The following AMPH variants were observed in gnomAD, a reference collection of about 807,000 sequenced individuals.
AMPH encodes the protein amphiphysin (Stiff-Mann syndrome with breast cancer 128kD autoantigen).
In AMPH, 49 loss-of-function variants were observed where a neutral mutation model predicts 99.1. The observed-to-expected ratio is 0.49, with a 90% confidence interval of 0.39 to 0.63. The LOEUF is 0.63. AMPH is among the 20% of genes least tolerant of loss of function. AMPH has a pLI of 0.00. For missense variants in AMPH, 759 were observed against 863.4 expected (o/e 0.88, Z 1.52); for synonymous variants, 314 against 317.3 (o/e 0.99, Z 0.11).
chr7:38,508,489 G>A (rs1789417658), intron 2 of AMPH, among the ~76,000 whole-genome samples: 1 of 152,118 alleles, frequency 6.6e-6, no homozygotes, highest in African/African-American at 2.4e-5. Context: ...ATCACACACG[G>A]TATGGAAAAA....
chr7:38,426,811 T>C, intron 15 of AMPH, 143 bp downstream of exon 15: 1 of 654,550 alleles, frequency 1.5e-6, no homozygotes, highest in African/African-American at 1.8e-5. Flanking sequence ...TTTCCATTAC[T>C]CAGTCTGTAA....
intron 1 of AMPH, among the ~76,000 whole-genome samples, chr7:38,583,077 T>G (rs1453006454): frequency 6.6e-6 from 1 of 152,222 alleles, no homozygotes; most frequent in East Asian, 1.9e-4. Flanking sequence ...AGATTAAGGT[T>G]AAAAGAATCA....
At chr7:38,396,837 C>T (rs889465094) in intron 17 of AMPH, among the ~76,000 whole-genome samples, 10 of 152,124 alleles carry the variant, frequency 6.6e-5, no homozygotes, top group Non-Finnish European at 1.2e-4. Context: ...GCTTTATTGT[C>T]GGAGACATTA....
intron 2 of AMPH, among the ~76,000 whole-genome samples, chr7:38,532,739 G>A (rs1421433026): frequency 8.4e-6 from 1 of 118,700 alleles, no homozygotes; most frequent in Non-Finnish European, 1.8e-5. Context: ...AAGAAAGCTG[G>A]GAAAAAAAAA....
At chr7:38,582,384 G>C (rs922023763) in intron 1 of AMPH, among the ~76,000 whole-genome samples, 2 of 152,126 alleles carry the variant, frequency 1.3e-5, no homozygotes, top group Non-Finnish European at 2.9e-5. Flanking sequence ...TAGAAGAGGA[G>C]AAATAAAAAA....
chr7:38,623,769 CCTT>C (rs1325541452), intron 1 of AMPH, among the ~76,000 whole-genome samples: 1 of 152,116 alleles, frequency 6.6e-6, no homozygotes, highest in East Asian at 1.9e-4. Flanking sequence ...CAATATTTCT[CCTT>C]GAGAACAAAA....
intron 16 of AMPH, among the ~76,000 whole-genome samples, chr7:38,421,938 G>A (rs1488479052): frequency 1.3e-5 from 2 of 152,112 alleles, no homozygotes; most frequent in Non-Finnish European, 2.9e-5. Context: ...CCCTAACTAA[G>A]CTTTTCTCTC....
At chr7:38,429,713 T>C in intron 14 of AMPH, 129 bp downstream of exon 14, 2 of 1,297,928 alleles carry the variant, frequency 1.5e-6, no homozygotes, top group Non-Finnish European at 2.1e-6. Flanking sequence ...GTGATTACAT[T>C]CATTGGCTTA....
chr7:38,490,041 T>C (rs1041448635), intron 5 of AMPH, among the ~76,000 whole-genome samples: 6 of 152,186 alleles, frequency 3.9e-5, no homozygotes, highest in Non-Finnish European at 5.9e-5. Flanking sequence ...GTGATTACTA[T>C]TGTGAGACTG....
chr7:38,386,691 A>C (rs1179104635), intron 20 of AMPH, among the ~76,000 whole-genome samples: 1 of 152,222 alleles, frequency 6.6e-6, no homozygotes, highest in Non-Finnish European at 1.5e-5. Flanking sequence ...TATTTATATA[A>C]ACAAACAACT....
chr7:38,549,867 A>AAAT (rs542282740), intron 1 of AMPH, among the ~76,000 whole-genome samples: 429 of 152,354 alleles, frequency 2.8e-3, no homozygotes, highest in African/African-American at 1.0e-2. Context: ...TTATTATATG[A>AAAT]AATAATATGG....
intron 1 of AMPH, among the ~76,000 whole-genome samples, chr7:38,572,592 G>A (rs937243249): frequency 1.3e-5 from 2 of 152,172 alleles, no homozygotes; most frequent in South Asian, 2.1e-4. Context: ...AAGGGATCAG[G>A]GAGGAGGTGA....
chr7:38,592,013 A>G (rs1792874845), intron 1 of AMPH, among the ~76,000 whole-genome samples: 1 of 151,556 alleles, frequency 6.6e-6, no homozygotes, highest in African/African-American at 2.4e-5. Flanking sequence ...ATTTACCCAC[A>G]TATTTATTTA....
At chr7:38,592,282 T>G in intron 1 of AMPH, among the ~76,000 whole-genome samples, 1 of 152,186 alleles carries the variant, frequency 6.6e-6, no homozygotes. Context: ...TGCAGAGATT[T>G]TGTTTATGGC....
intron 17 of AMPH, among the ~76,000 whole-genome samples, chr7:38,408,750 CAAAAAA>C (rs66957354): frequency 2.0e-5 from 2 of 100,726 alleles, no homozygotes; most frequent in Non-Finnish European, 2.1e-5. Flanking sequence ...GACTCCATCA[CAAAAAA>C]AAAAAAAAAA....
intron 5 of AMPH, among the ~76,000 whole-genome samples, chr7:38,485,450 T>C (rs1584153130): frequency 6.6e-6 from 1 of 151,916 alleles, no homozygotes; most frequent in Non-Finnish European, 1.5e-5. Flanking sequence ...AAAGCATCTA[T>C]ATATGTAAAG....
chr7:38,440,162 T>C (rs752833435), intron 11 of AMPH, among the ~76,000 whole-genome samples: 11 of 152,062 alleles, frequency 7.2e-5, no homozygotes, highest in Non-Finnish European at 1.6e-4. Context: ...GTGTTAAAGA[T>C]AAATTCATAA....
At chr7:38,604,476 G>A (rs975419891) in intron 1 of AMPH, among the ~76,000 whole-genome samples, 19 of 152,196 alleles carry the variant, frequency 1.2e-4, no homozygotes, top group African/African-American at 2.4e-4. Flanking sequence ...GAATGAGGAC[G>A]AGCACACACT....
intron 1 of AMPH, among the ~76,000 whole-genome samples, chr7:38,613,030 CT>C (rs1793739966): frequency 6.6e-6 from 1 of 152,094 alleles, no homozygotes; most frequent in Admixed American, 6.5e-5. Context: ...AATATTAGTT[CT>C]GACTCTAACT....
Sources: allele counts gnomAD v4.1 joint callset (sites outside exome capture counted in the v4.1 genomes callset), GRCh38; gene constraint gnomAD v4.1.1; transcripts MANE v1.5; gene names NCBI Gene and HGNC (gene_info 2026-07-23, HGNC 2026-07-21).